KCNIP4: variants seen among roughly 807,000 people sequenced by gnomAD.
KCNIP4 encodes the protein potassium voltage-gated channel interacting protein 4.
A neutral mutation model predicts 34.0 loss-of-function variants in KCNIP4; 12 were observed. The ratio of observed to expected loss-of-function variants is 0.35; its 90% confidence interval spans 0.23 to 0.57. The LOEUF (loss-of-function observed/expected upper bound fraction) is 0.57, where lower values mean the gene tolerates loss of function less well. KCNIP4 is among the 20% of genes least tolerant of loss of function. The probability of loss-of-function intolerance (pLI) is 0.83; values close to 1 mark genes in which losing one functional copy is unlikely to be tolerated. For synonymous variants in KCNIP4, 124 were observed against 102.2 expected (o/e 1.21, Z -1.29); for missense variants, 238 against 311.7 (o/e 0.76, Z 1.78).
intron 1 of KCNIP4, among the ~76,000 whole-genome samples, chr4:21,888,777 G>C (rs1361869071): frequency 6.6e-6 from 1 of 152,028 alleles, no homozygotes; most frequent in Non-Finnish European, 1.5e-5. Flanking sequence ...TCACATAACT[G>C]CTCAAGGCTT....
chr4:20,826,770 G>A (rs1717811637), intron 3 of KCNIP4, among the ~76,000 whole-genome samples: 2 of 152,184 alleles, frequency 1.3e-5, no homozygotes, highest in Admixed American at 1.3e-4. Flanking sequence ...TACTATCATT[G>A]ATAGAACTTT....
intron 1 of KCNIP4, among the ~76,000 whole-genome samples, chr4:21,392,988 G>A (rs1722688626): frequency 6.6e-6 from 1 of 152,112 alleles, no homozygotes; most frequent in African/African-American, 2.4e-5. Flanking sequence ...ACCTAAGGGG[G>A]CTTCTTTTTA....
At chr4:20,909,053 G>T (rs922033846) in intron 1 of KCNIP4, among the ~76,000 whole-genome samples, 6 of 152,126 alleles carry the variant, frequency 3.9e-5, no homozygotes, top group Admixed American at 6.6e-5. Context: ...ATGATAGAAG[G>T]ATTATGCAGC....
At chr4:20,840,807 C>T (rs565671765) in intron 3 of KCNIP4, among the ~76,000 whole-genome samples, 13 of 152,248 alleles carry the variant, frequency 8.5e-5, no homozygotes, top group African/African-American at 2.6e-4. Flanking sequence ...CATATGGTGA[C>T]GTGCTGGATA....
At chr4:21,105,222 C>T (rs1748402196) in intron 1 of KCNIP4, among the ~76,000 whole-genome samples, 1 of 151,580 alleles carries the variant, frequency 6.6e-6, no homozygotes, top group South Asian at 2.1e-4. Flanking sequence ...TTCTTCCTAC[C>T]CATGAGCATG....
chr4:21,396,488 G>A lies in KCNIP4; in HGVS notation c.62-513779C>T, dbSNP rs184944208. On this transcript the variant is annotated intron_variant, in intron 1 of 8. Coordinates refer to ENST00000382152, the MANE Select transcript of KCNIP4 (RefSeq NM_025221.6). Reference sequence around the variant, plus strand: ...GGAGAGTTGCCTGAACCCGGGAGGCGGAGGTTGCAGTGAGCTGAGATCTAG... The same window carrying A: ...GGAGAGTTGCCTGAACCCGGGAGGCAGAGGTTGCAGTGAGCTGAGATCTAG... Among the ~76,000 whole-genome samples the A allele has an allele frequency of 9.2e-3, 1,245 of 135,276 alleles. 20 individuals carry two copies. Among genetic ancestry groups the A allele is most frequent in the African/African-American group, 0.031 (1,190 of 38,642 alleles). 88.7% of individuals were successfully genotyped at this position (135,276 alleles called of 152,430 possible).
chr4:21,904,605 T>C (rs781012193), intron 1 of KCNIP4, among the ~76,000 whole-genome samples: 29 of 152,232 alleles, frequency 1.9e-4, no homozygotes, highest in Non-Finnish European at 1.9e-4. Flanking sequence ...CTGAATTATC[T>C]TGGATAGAAG....
intron 1 of KCNIP4, among the ~76,000 whole-genome samples, chr4:21,723,147 A>G (rs1714943883): frequency 6.6e-6 from 1 of 152,140 alleles, no homozygotes; most frequent in Admixed American, 6.6e-5. Context: ...TCTCCAAGAT[A>G]TGATTTCACA....
At chr4:21,665,116 A>G (rs950209219) in intron 1 of KCNIP4, among the ~76,000 whole-genome samples, 2 of 152,218 alleles carry the variant, frequency 1.3e-5, no homozygotes, top group Non-Finnish European at 2.9e-5. Flanking sequence ...TGGGCTCTCA[A>G]TAAATCACTT....
intron 1 of KCNIP4, among the ~76,000 whole-genome samples, chr4:21,803,807 C>A (rs973168732): frequency 1.4e-4 from 21 of 152,166 alleles, no homozygotes; most frequent in Admixed American, 2.6e-4. Context: ...TACTAATTAG[C>A]AAATTATCTT....
At chr4:21,104,930 C>T (rs1426191429) in intron 1 of KCNIP4, among the ~76,000 whole-genome samples, 1 of 151,546 alleles carries the variant, frequency 6.6e-6, no homozygotes, top group African/African-American at 2.4e-5. Context: ...TTTCTGAGGA[C>T]TCTGTTCTGT....
At chr4:20,989,455 G>A (rs866082659) in intron 1 of KCNIP4, among the ~76,000 whole-genome samples, 3 of 152,134 alleles carry the variant, frequency 2.0e-5, no homozygotes, top group Non-Finnish European at 4.4e-5. Flanking sequence ...GACTTGCTTA[G>A]TATAGGAAAA....
At chr4:21,807,691 G>A (rs138236465) in intron 1 of KCNIP4, among the ~76,000 whole-genome samples, 6 of 152,172 alleles carry the variant, frequency 3.9e-5, no homozygotes, top group Admixed American at 6.5e-5. Context: ...TTCATTGCCC[G>A]ATTGGAATTA....
chr4:20,997,321 C>T (rs1737648843), intron 1 of KCNIP4, among the ~76,000 whole-genome samples: 1 of 152,160 alleles, frequency 6.6e-6, no homozygotes, highest in African/African-American at 2.4e-5. Context: ...GGACTGGACA[C>T]AGAAACCAGC....
chr4:20,888,591 T>A (rs374353777), intron 1 of KCNIP4, among the ~76,000 whole-genome samples: 1 of 152,150 alleles, frequency 6.6e-6, no homozygotes, highest in Admixed American at 6.5e-5. Flanking sequence ...TGCCTTAGTA[T>A]GTAGGACATT....
chr4:21,779,824 G>A (rs1053770948), intron 1 of KCNIP4, among the ~76,000 whole-genome samples: 3 of 151,980 alleles, frequency 2.0e-5, no homozygotes, highest in Non-Finnish European at 2.9e-5. Flanking sequence ...CCAGCCTGTC[G>A]GGAGGCTGAA....
At chr4:21,711,823 G>A (rs1292742173) in intron 1 of KCNIP4, among the ~76,000 whole-genome samples, 5 of 152,136 alleles carry the variant, frequency 3.3e-5, no homozygotes, top group Admixed American at 2.0e-4. Flanking sequence ...TATGGGAAAG[G>A]CACCAGGATG....
intron 1 of KCNIP4, among the ~76,000 whole-genome samples, chr4:21,224,430 C>T (rs1040232873): frequency 3.3e-5 from 5 of 151,914 alleles, no homozygotes; most frequent in African/African-American, 1.2e-4. Context: ...AGCCAACTTA[C>T]CTCCCCAAAG....
At chr4:21,653,236 G>A (rs1747653453) in intron 1 of KCNIP4, among the ~76,000 whole-genome samples, 1 of 152,112 alleles carries the variant, frequency 6.6e-6, no homozygotes, top group Non-Finnish European at 1.5e-5. Flanking sequence ...ACACAGACCT[G>A]GGGCACACTG....
Sources: allele counts gnomAD v4.1 joint callset (sites outside exome capture counted in the v4.1 genomes callset), GRCh38; gene constraint gnomAD v4.1.1; transcripts MANE v1.5; gene names NCBI Gene and HGNC (gene_info 2026-07-23, HGNC 2026-07-21).